The following CDK14 variants were observed in gnomAD, a reference collection of about 807,000 sequenced individuals.
CDK14 encodes cyclin-dependent kinase 14.
CDK14 carries 34 observed loss-of-function variants against 60.7 expected under a neutral mutation model. The observed-to-expected ratio is 0.56, with a 90% CI of 0.43 to 0.75. The LOEUF (loss-of-function observed/expected upper bound fraction) is 0.75, where lower values mean the gene tolerates loss of function less well. CDK14 is among the 30% of genes least tolerant of loss of function. CDK14 has a pLI of 0.00. For synonymous variants in CDK14, 197 were observed against 203.7 expected, an observed-to-expected ratio of 0.97 and a Z score of 0.28; for missense variants, 482 against 564.1, an observed-to-expected ratio of 0.85 and a Z score of 1.47.
chr7:90,637,418 G>T (rs1315134697), intron 2 of CDK14, among the ~76,000 whole-genome samples: 1 of 152,086 alleles, frequency 6.6e-6, no homozygotes, highest in Admixed American at 6.6e-5. Context: ...GGAGCAGGTT[G>T]TTCAGTTTCC....
At chr7:90,911,098 T>G (rs1397355902) in intron 7 of CDK14, among the ~76,000 whole-genome samples, 1 of 152,194 alleles carries the variant, frequency 6.6e-6, no homozygotes, top group African/African-American at 2.4e-5. Flanking sequence ...TTCTTTCTTT[T>G]TCTGTGAAAT....
At chr7:91,142,394 A>T (rs2115625160) in intron 14 of CDK14, among the ~76,000 whole-genome samples, 1 of 152,308 alleles carries the variant, frequency 6.6e-6, no homozygotes, top group African/African-American at 2.4e-5. Flanking sequence ...ATTGCTATTT[A>T]CCTTCACCTT....
chr7:90,783,971 C>T (rs1416190902), intron 4 of CDK14, among the ~76,000 whole-genome samples: 1 of 152,090 alleles, frequency 6.6e-6, no homozygotes, highest in Non-Finnish European at 1.5e-5. Context: ...GATACCTGCA[C>T]CCCCATGTTT....
At chr7:90,873,124 A>AG (rs1368292659) in intron 6 of CDK14, among the ~76,000 whole-genome samples, 1 of 152,104 alleles carries the variant, frequency 6.6e-6, no homozygotes, top group Admixed American at 6.5e-5. Context: ...TGCATGATTC[A>AG]GGGGGTGGGT....
chr7:91,090,264 A>G (rs1475560645), intron 12 of CDK14, among the ~76,000 whole-genome samples: 2 of 152,128 alleles, frequency 1.3e-5, no homozygotes, highest in Admixed American at 1.3e-4. Flanking sequence ...TGTGTGAACT[A>G]CACTATTCCT....
chr7:90,945,035 G>GA (rs1794059838), intron 8 of CDK14, among the ~76,000 whole-genome samples: 1 of 152,036 alleles, frequency 6.6e-6, no homozygotes, highest in African/African-American at 2.4e-5. Flanking sequence ...ACTGACATAA[G>GA]AAAAAAATAA....
chr7:90,708,269 G>A (rs141648613), intron 2 of CDK14, among the ~76,000 whole-genome samples: 20 of 152,288 alleles, frequency 1.3e-4, no homozygotes, highest in Middle Eastern at 3.4e-3. Context: ...TTATGAGGTG[G>A]TGTATGATTA....
At chr7:91,044,685 C>T (rs1797183535) in intron 10 of CDK14, among the ~76,000 whole-genome samples, 1 of 152,122 alleles carries the variant, frequency 6.6e-6, no homozygotes, top group African/African-American at 2.4e-5. Context: ...GTTTACACCT[C>T]TCATAATATC....
At chr7:91,139,802 CTTTCTTT>C (rs1332289184) in intron 14 of CDK14, among the ~76,000 whole-genome samples, 2 of 148,948 alleles carry the variant, frequency 1.3e-5, no homozygotes, top group African/African-American at 5.1e-5. Context: ...TTCTTTCTTT[CTTTCTTT>C]CTTTCTTTTC....
chr7:90,708,980 G>A (rs1278377802), intron 2 of CDK14, among the ~76,000 whole-genome samples: 4 of 152,078 alleles, frequency 2.6e-5, no homozygotes, highest in African/African-American at 9.7e-5. Flanking sequence ...TTCCTTTGCC[G>A]CCTAGCACCT....
intron 5 of CDK14, among the ~76,000 whole-genome samples, chr7:90,793,787 T>G (rs899455797): frequency 6.6e-6 from 1 of 152,212 alleles, no homozygotes. Flanking sequence ...AAGTTTTATT[T>G]GAACGCAGCA....
intron 2 of CDK14, among the ~76,000 whole-genome samples, chr7:90,625,380 C>G (rs1293802755): frequency 6.6e-6 from 1 of 152,112 alleles, no homozygotes; most frequent in Non-Finnish European, 1.5e-5. Context: ...TACGGTAGTA[C>G]CTGCCATGTA....
At chr7:90,955,956 T>C (rs1052870002) in intron 9 of CDK14, 139 bp downstream of exon 9, 38 of 986,168 alleles carry the variant, frequency 3.9e-5, no homozygotes, top group Non-Finnish European at 5.3e-5. Flanking sequence ...CTGCTGGATG[T>C]TTTAAAACAT....
chr7:90,713,587 T>TACCAC (rs1802139615), intron 2 of CDK14, among the ~76,000 whole-genome samples: 1 of 151,854 alleles, frequency 6.6e-6, no homozygotes, highest in Non-Finnish European at 1.5e-5. Context: ...CCAGAAAACC[T>TACCAC]TAAACCAGTG....
chr7:90,933,254 C>G (rs1793650684), intron 8 of CDK14, among the ~76,000 whole-genome samples: 1 of 145,816 alleles, frequency 6.9e-6, no homozygotes, highest in African/African-American at 2.5e-5. Context: ...CATGCCAGCC[C>G]AGGTGACAGA....
intron 11 of CDK14, among the ~76,000 whole-genome samples, chr7:91,056,557 C>G (rs1797568531): frequency 6.7e-6 from 1 of 150,336 alleles, no homozygotes; most frequent in South Asian, 2.1e-4. Context: ...ATCCCTCCCG[C>G]CTCCCCCCAC....
chr7:90,928,136 T>C (rs1366296577), intron 8 of CDK14, among the ~76,000 whole-genome samples: 3 of 152,188 alleles, frequency 2.0e-5, no homozygotes, highest in Admixed American at 2.0e-4. Context: ...TCAAGGTTTT[T>C]AGCTTCTTTG....
At chr7:90,810,927 T>G (rs1174395856) in intron 5 of CDK14, among the ~76,000 whole-genome samples, 1 of 151,870 alleles carries the variant, frequency 6.6e-6, no homozygotes, top group Non-Finnish European at 1.5e-5. Flanking sequence ...AAGGACCTCT[T>G]CAAGGAGAAC....
chr7:90,823,112 C>T (rs571558052), intron 5 of CDK14, among the ~76,000 whole-genome samples: 3 of 152,254 alleles, frequency 2.0e-5, no homozygotes, highest in African/African-American at 7.2e-5. Flanking sequence ...TGTGTCCACC[C>T]TCTTTATGGT....
Sources: allele counts gnomAD v4.1 joint callset (sites outside exome capture counted in the v4.1 genomes callset), GRCh38; gene constraint gnomAD v4.1.1; transcripts MANE v1.5; gene names NCBI Gene and HGNC (gene_info 2026-07-23, HGNC 2026-07-21).